The following HM13 variants were observed in gnomAD, a reference collection of about 807,000 sequenced individuals.
HM13 encodes signal peptide peptidase.
HM13 carries 18 observed loss-of-function variants against 50.0 expected under a neutral mutation model. The observed-to-expected ratio is 0.36, with a 90% CI of 0.25 to 0.53. The LOEUF is 0.53. HM13 is among the 20% of genes least tolerant of loss of function. The probability of loss-of-function intolerance (pLI) is 0.90; values close to 1 mark genes in which losing one functional copy is unlikely to be tolerated. For missense variants in HM13, 393 were observed against 552.4 expected, an observed-to-expected ratio of 0.71 and a Z score of 2.89; for synonymous variants, 197 against 232.6, an observed-to-expected ratio of 0.85 and a Z score of 1.39.
intron 11 of HM13, 30 bp from the exon 12 acceptor site, chr20:31,568,048 T>G (rs1304570789): frequency 1.3e-6 from 2 of 1,554,432 alleles, no homozygotes; most frequent in Non-Finnish European, 1.7e-6. Context: ...CCATCTCTTT[T>G]TTTCTGTCTC....
chr20:31,549,474 C>A, intron 6 of HM13, 142 bp downstream of exon 6: 1 of 989,830 alleles, frequency 1.0e-6, no homozygotes, highest in Non-Finnish European at 1.5e-6. Flanking sequence ...CAAGTCCTCT[C>A]TGGGCCCATC....
intron 2 of HM13, among the ~76,000 whole-genome samples, chr20:31,536,175 C>T (rs1037650235): frequency 6.6e-6 from 1 of 152,132 alleles, no homozygotes; most frequent in African/African-American, 2.4e-5. Context: ...ACCAGCCTGA[C>T]CAACATGGTG....
chr20:31,548,619 TCTTA>T (rs1479808164), intron 4 of HM13: 4 of 261,144 alleles, frequency 1.5e-5, no homozygotes, highest in Non-Finnish European at 2.3e-5. Context: ...GTAAGGACTG[TCTTA>T]CTTATTCCCC....
At chr20:31,545,811 C>T (rs985759399) in intron 4 of HM13, among the ~76,000 whole-genome samples, 1 of 152,186 alleles carries the variant, frequency 6.6e-6, no homozygotes, top group Non-Finnish European at 1.5e-5. Flanking sequence ...ACTGAAACCT[C>T]AGCCAACTGA....
chr20:31,532,543 A>C (rs1600631441), intron 2 of HM13, among the ~76,000 whole-genome samples: 1 of 149,420 alleles, frequency 6.7e-6, no homozygotes, highest in South Asian at 2.1e-4. Context: ...TCCAATATCC[A>C]CCTCCATTTC....
chr20:31,549,466 A>G, intron 6 of HM13, 134 bp downstream of exon 6: 2 of 1,105,268 alleles, frequency 1.8e-6, no homozygotes, highest in Non-Finnish European at 2.7e-6. Context: ...CCGCAGAGCA[A>G]GTCCTCTCTG....
At chr20:31,564,576 C>CAA (rs1370991525) in intron 10 of HM13, among the ~76,000 whole-genome samples, 120 of 139,818 alleles carry the variant, frequency 8.6e-4, no homozygotes, top group African/African-American at 3.0e-3. Context: ...GACCCTGTCT[C>CAA]AAAAAAAAAA....
At chr20:31,552,215 C>T (rs1487223935) in intron 7 of HM13, among the ~76,000 whole-genome samples, 1 of 152,094 alleles carries the variant, frequency 6.6e-6, no homozygotes, top group Non-Finnish European at 1.5e-5. Context: ...TTTTCTGGGT[C>T]ATGAAGGATG....
intron 8 of HM13, among the ~76,000 whole-genome samples, chr20:31,555,727 G>T (rs1415605989): frequency 6.6e-6 from 1 of 151,954 alleles, no homozygotes; most frequent in Non-Finnish European, 1.5e-5. Context: ...CCAACACTTT[G>T]GGAAGCTGCG....
intron 10 of HM13, among the ~76,000 whole-genome samples, chr20:31,562,921 A>G (rs1984696793): frequency 6.6e-6 from 1 of 152,168 alleles, no homozygotes; most frequent in South Asian, 2.1e-4. Context: ...TTGGAGGACT[A>G]GTTAAGAGAC....
At chr20:31,533,769 A>C (rs1456765097) in intron 2 of HM13, among the ~76,000 whole-genome samples, 1 of 152,142 alleles carries the variant, frequency 6.6e-6, no homozygotes, top group Admixed American at 6.5e-5. Flanking sequence ...TGAGTATAAT[A>C]AATCCTTTCA....
intron 8 of HM13, among the ~76,000 whole-genome samples, chr20:31,557,639 T>C (rs1446274918): frequency 6.6e-6 from 1 of 152,020 alleles, no homozygotes; most frequent in African/African-American, 2.4e-5. Flanking sequence ...AGAGTATTCA[T>C]TGAGAACTAA....
rs1127993 is a variant in HM13 at position 31,569,519 on chromosome 20, A to G, written c.*300A>G. 4.0e-6 allele frequency: 1 copy of G among 252,632 alleles called. No individual in the cohort carries two copies. The highest frequency in any genetic ancestry group is 7.7e-6 in the Non-Finnish European group (1 of 130,104). 15.6% of individuals were successfully genotyped at this position (252,632 alleles called of 1,614,324 possible). A position where few individuals can be genotyped will look rare whatever the true frequency, so the allele number is the denominator to read the frequency against. ...TTGTATTGTGGACTGATTTTGCCTC[A>G]CATTAAAAACTCATCCCATGGCCAG... is the stretch of plus-strand genomic sequence containing the variant. On this transcript the variant is annotated 3_prime_UTR_variant, in exon 13 of 13. Coordinates refer to ENST00000398174, the MANE Select transcript of HM13 (RefSeq NM_178581.3).
intron 4 of HM13, chr20:31,548,495 G>A (rs1012263741): frequency 2.7e-5 from 5 of 182,950 alleles, no homozygotes; most frequent in African/African-American, 1.2e-4. Context: ...TCATCCTTTG[G>A]TGGCAAAGTA....
chr20:31,530,589 T>G (rs1471507493), intron 2 of HM13, among the ~76,000 whole-genome samples: 1 of 152,056 alleles, frequency 6.6e-6, no homozygotes, highest in Non-Finnish European at 1.5e-5. Flanking sequence ...TTTTGTAATT[T>G]TAGTAGAGAT....
intron 3 of HM13, 30 bp from the exon 4 acceptor site, chr20:31,544,916 GT>G: frequency 6.2e-7 from 1 of 1,601,308 alleles, no homozygotes; most frequent in Non-Finnish European, 8.6e-7. Flanking sequence ...TGGGGGCTCT[GT>G]TTGCCGACTT....
At chr20:31,527,664 A>G (rs1982577498) in intron 2 of HM13, 82 bp downstream of exon 2, 1 of 952,960 alleles carries the variant, frequency 1.0e-6, no homozygotes, top group African/African-American at 1.7e-5. Flanking sequence ...CACAAGAACC[A>G]TGCATGTTCA....
intron 2 of HM13, among the ~76,000 whole-genome samples, chr20:31,532,357 G>A (rs183052992): frequency 5.9e-5 from 9 of 152,236 alleles, no homozygotes; most frequent in East Asian, 1.9e-4. Context: ...CCAGGGAGTC[G>A]GAGGTTGCAG....
intron 4 of HM13, among the ~76,000 whole-genome samples, chr20:31,546,794 G>A (rs1258113766): frequency 6.6e-6 from 1 of 151,086 alleles, no homozygotes; most frequent in Non-Finnish European, 1.5e-5. Flanking sequence ...CAGGCGCGGT[G>A]GCTCATGCCT....
Sources: allele counts gnomAD v4.1 joint callset (sites outside exome capture counted in the v4.1 genomes callset), GRCh38; gene constraint gnomAD v4.1.1; transcripts MANE v1.5; gene names NCBI Gene and HGNC (gene_info 2026-07-23, HGNC 2026-07-21).